ARHGAP28: variants seen among roughly 807,000 people sequenced by gnomAD.
ARHGAP28 encodes rho GTPase-activating protein 28.
Under a neutral mutation model 90.7 loss-of-function variants are expected in ARHGAP28, and 56 were observed. The observed-to-expected ratio is 0.62, with a 90% CI of 0.50 to 0.77. The LOEUF (loss-of-function observed/expected upper bound fraction) is 0.77. Among genes scored for constraint, ARHGAP28 ranks in the 30% least tolerant of loss-of-function variants. The probability of loss-of-function intolerance (pLI) is 0.00; values close to 1 mark genes in which losing one functional copy is unlikely to be tolerated. For synonymous variants in ARHGAP28, 308 were observed against 323.3 expected (o/e 0.95, Z 0.51); for missense variants, 869 against 900.9 (o/e 0.96, Z 0.45).
chr18:6,830,951 C>T (rs2056710594), intron 2 of ARHGAP28, among the ~76,000 whole-genome samples: 1 of 151,990 alleles, frequency 6.6e-6, no homozygotes, highest in Non-Finnish European at 1.5e-5. Flanking sequence ...TTTTATTTCT[C>T]TTGGATGTAT....
At chr18:6,899,238 G>A (rs1461001147) in intron 16 of ARHGAP28, among the ~76,000 whole-genome samples, 5 of 151,994 alleles carry the variant, frequency 3.3e-5, no homozygotes, top group African/African-American at 9.7e-5. Context: ...TTCCTTCCAG[G>A]TACTCTCCCT....
At chr18:6,884,265 T>C (rs2057202581) in intron 11 of ARHGAP28, among the ~76,000 whole-genome samples, 1 of 152,152 alleles carries the variant, frequency 6.6e-6, no homozygotes, top group Non-Finnish European at 1.5e-5. Flanking sequence ...ACCCAACTAC[T>C]CTGGATGCTG....
chr18:6,802,758 T>C (rs1368503031), intron 1 of ARHGAP28, among the ~76,000 whole-genome samples: 1 of 152,362 alleles, frequency 6.6e-6, no homozygotes, highest in East Asian at 1.9e-4. Flanking sequence ...GAACAAGTTA[T>C]ATCTCTTCAT....
At chr18:6,886,332 C>G (rs1033228381) in intron 11 of ARHGAP28, among the ~76,000 whole-genome samples, 2 of 152,112 alleles carry the variant, frequency 1.3e-5, no homozygotes, top group South Asian at 4.2e-4. Flanking sequence ...AAAGGAAAGC[C>G]TAGATTCTCT....
At chr18:6,873,288 G>T in intron 7 of ARHGAP28, 121 bp from the exon 8 acceptor site, 1 of 785,322 alleles carries the variant, frequency 1.3e-6, no homozygotes, top group Non-Finnish European at 2.1e-6. Context: ...ATGCTCCTTA[G>T]AGATGTTTTC....
intron 17 of ARHGAP28, among the ~76,000 whole-genome samples, chr18:6,910,799 G>C (rs2057392297): frequency 6.6e-6 from 1 of 151,750 alleles, no homozygotes; most frequent in South Asian, 2.1e-4. Flanking sequence ...AAGCAACCTA[G>C]CACTCACACA....
intron 1 of ARHGAP28, among the ~76,000 whole-genome samples, chr18:6,782,261 G>A (rs1220609838): frequency 6.6e-6 from 1 of 151,972 alleles, no homozygotes; most frequent in African/African-American, 2.4e-5. Context: ...GTAGAAGAGT[G>A]TTCACTGTTT....
intron 11 of ARHGAP28, among the ~76,000 whole-genome samples, chr18:6,885,559 C>T (rs2057213749): frequency 6.6e-6 from 1 of 152,134 alleles, no homozygotes; most frequent in Non-Finnish European, 1.5e-5. Flanking sequence ...TGCTTAATAA[C>T]TTTCTGGGGA....
intron 1 of ARHGAP28, among the ~76,000 whole-genome samples, chr18:6,797,343 G>C (rs1413811523): frequency 1.3e-5 from 2 of 152,194 alleles, no homozygotes; most frequent in African/African-American, 2.4e-5. Context: ...GCCAACTCAA[G>C]GATTTCCGCC....
At chr18:6,759,782 A>G (rs1462766059) in intron 1 of ARHGAP28, among the ~76,000 whole-genome samples, 1 of 142,630 alleles carries the variant, frequency 7.0e-6, no homozygotes, top group Non-Finnish European at 1.5e-5. Context: ...TTCCCCTGCT[A>G]AAGAATAACG....
chr18:6,850,473 T>C (rs1209557819), intron 3 of ARHGAP28, among the ~76,000 whole-genome samples: 2 of 152,238 alleles, frequency 1.3e-5, no homozygotes, highest in African/African-American at 2.4e-5. Flanking sequence ...CAAAGGCTGG[T>C]ATGGCTGCCC....
At chr18:6,808,821 G>C (rs2056536889) in intron 1 of ARHGAP28, among the ~76,000 whole-genome samples, 1 of 152,176 alleles carries the variant, frequency 6.6e-6, no homozygotes, top group Admixed American at 6.5e-5. Context: ...TGAGCAGTGG[G>C]AACTTTTGGA....
chr18:6,734,532 G>T (rs2055909838), intron 1 of ARHGAP28, among the ~76,000 whole-genome samples: 1 of 152,088 alleles, frequency 6.6e-6, no homozygotes, highest in African/African-American at 2.4e-5. Flanking sequence ...GGGGGCTATT[G>T]TTTCTTAACT....
intron 1 of ARHGAP28, among the ~76,000 whole-genome samples, chr18:6,794,928 C>G (rs2056431153): frequency 6.6e-6 from 1 of 152,154 alleles, no homozygotes; most frequent in African/African-American, 2.4e-5. Context: ...AGTGCTCCAC[C>G]CGCCTGGGCC....
At chr18:6,807,855 T>G (rs1364409222) in intron 1 of ARHGAP28, among the ~76,000 whole-genome samples, 1 of 152,194 alleles carries the variant, frequency 6.6e-6, no homozygotes, top group Non-Finnish European at 1.5e-5. Flanking sequence ...CTCCATTTCC[T>G]AAACTCAGAC....
intron 1 of ARHGAP28, among the ~76,000 whole-genome samples, chr18:6,809,163 C>T (rs1344687504): frequency 6.6e-6 from 1 of 152,130 alleles, no homozygotes; most frequent in African/African-American, 2.4e-5. Flanking sequence ...TTTCTTTCTC[C>T]CTGGCATCAT....
chr18:6,780,941 TCA>T (rs1161590436), intron 1 of ARHGAP28, among the ~76,000 whole-genome samples: 1 of 152,026 alleles, frequency 6.6e-6, no homozygotes, highest in African/African-American at 2.4e-5. Context: ...CCCATGAATT[TCA>T]CAGTCACAGA....
chr18:6,827,276 G>A lies in ARHGAP28; in HGVS notation c.325+2312G>A, dbSNP rs887570514. Among the ~76,000 whole-genome samples the A allele has an allele frequency of 1.5e-4, 22 of 150,996 alleles. 1 individual carries two copies. The highest frequency in any genetic ancestry group is 1.3e-3 in the South Asian group (6 of 4,764). On this transcript the variant is annotated intron_variant, in intron 2 of 17. Coordinates refer to ENST00000383472, the MANE Select transcript of ARHGAP28 (RefSeq NM_001366230.1). ...CCAGTAGGGGCGGCCGGGCTGAGGCGCCCCTCACCTCCCGGACGGGGCGGC... is the reference window on the plus strand; with the variant it reads ...CCAGTAGGGGCGGCCGGGCTGAGGCACCCCTCACCTCCCGGACGGGGCGGC...
chr18:6,853,412 C>T (rs1011665681), intron 4 of ARHGAP28, among the ~76,000 whole-genome samples: 2 of 152,090 alleles, frequency 1.3e-5, no homozygotes, highest in African/African-American at 4.8e-5. Context: ...TAGGTCTCCA[C>T]AGCCCCTATC....
Sources: allele counts gnomAD v4.1 joint callset (sites outside exome capture counted in the v4.1 genomes callset), GRCh38; gene constraint gnomAD v4.1.1; transcripts MANE v1.5; gene names NCBI Gene and HGNC (gene_info 2026-07-23, HGNC 2026-07-21).